ADGRB3: variants seen among roughly 807,000 people sequenced by gnomAD.
ADGRB3 encodes brain-specific angiogenesis inhibitor 3.
ADGRB3 carries 37 observed loss-of-function variants against 193.4 expected under a neutral mutation model. The ratio of observed to expected loss-of-function variants is 0.19; its 90% CI spans 0.15 to 0.25. The LOEUF (loss-of-function observed/expected upper bound fraction) is 0.25. ADGRB3 is among the 10% of genes least tolerant of loss of function. The pLI is 1.00. For missense variants in ADGRB3, 1,637 were observed against 1,852.9 expected, an observed-to-expected ratio of 0.88 and a Z score of 2.14; for synonymous variants, 690 against 644.2, an observed-to-expected ratio of 1.07 and a Z score of -1.08.
intron 19 of ADGRB3, among the ~76,000 whole-genome samples, chr6:69,238,048 G>C (rs1284794401): frequency 6.6e-6 from 1 of 152,042 alleles, no homozygotes; most frequent in Non-Finnish European, 1.5e-5. Context: ...TTTTGGAAAT[G>C]TGTGATAAAA....
chr6:68,654,020 GTTA>G (rs1479358686), intron 3 of ADGRB3, among the ~76,000 whole-genome samples: 2 of 151,916 alleles, frequency 1.3e-5, no homozygotes, highest in African/African-American at 4.8e-5. Flanking sequence ...CACGGAATCT[GTTA>G]TTAATATACA....
At chr6:69,257,972 T>C (rs532885837) in intron 20 of ADGRB3, among the ~76,000 whole-genome samples, 1 of 152,274 alleles carries the variant, frequency 6.6e-6, no homozygotes, top group East Asian at 1.9e-4. Context: ...TGTTGGAGTG[T>C]ATTTACGCAG....
At chr6:68,921,219 G>A (rs1220191945) in intron 3 of ADGRB3, among the ~76,000 whole-genome samples, 3 of 152,094 alleles carry the variant, frequency 2.0e-5, no homozygotes, top group Non-Finnish European at 4.4e-5. Context: ...AAAAGGAAGA[G>A]GGTCAGATGG....
intron 17 of ADGRB3, among the ~76,000 whole-genome samples, chr6:69,214,545 C>G (rs1765735037): frequency 6.6e-6 from 1 of 152,052 alleles, no homozygotes; most frequent in South Asian, 2.1e-4. Context: ...AAAACAACAA[C>G]CAGACTGGTG....
At chr6:69,227,014 T>C (rs1246480850) in intron 17 of ADGRB3, among the ~76,000 whole-genome samples, 1 of 152,190 alleles carries the variant, frequency 6.6e-6, no homozygotes, top group African/African-American at 2.4e-5. Flanking sequence ...CTCCGTCTCT[T>C]GATGGGAAGT....
At chr6:69,034,067 G>T (rs907633628) in intron 13 of ADGRB3, among the ~76,000 whole-genome samples, 2 of 151,946 alleles carry the variant, frequency 1.3e-5, no homozygotes, top group Non-Finnish European at 2.9e-5. Context: ...ATACATAATT[G>T]AGACTAAGAT....
At chr6:68,809,914 T>C (rs913429819) in intron 3 of ADGRB3, among the ~76,000 whole-genome samples, 1 of 152,194 alleles carries the variant, frequency 6.6e-6, no homozygotes, top group Admixed American at 6.5e-5. Flanking sequence ...AAATACATAT[T>C]TTAGCATACA....
chr6:69,068,348 A>T (rs1771970367), intron 16 of ADGRB3, among the ~76,000 whole-genome samples: 1 of 152,220 alleles, frequency 6.6e-6, no homozygotes, highest in African/African-American at 2.4e-5. Flanking sequence ...AAAGAAAAAG[A>T]CATAGGCTAT....
intron 3 of ADGRB3, among the ~76,000 whole-genome samples, chr6:68,692,852 TATAAG>T (rs199907062): frequency 0.015 from 2,270 of 151,394 alleles, 38 homozygotes; most frequent in Admixed American, 0.021. Context: ...TATAAACAGA[TATAAG>T]ATACATAGCT....
At chr6:68,985,315 A>T (rs1428852451) in intron 10 of ADGRB3, among the ~76,000 whole-genome samples, 1 of 152,166 alleles carries the variant, frequency 6.6e-6, no homozygotes, top group African/African-American at 2.4e-5. Flanking sequence ...GCTCTTTGTG[A>T]TTCACTGCAC....
At chr6:68,876,018 T>C (rs1432673075) in intron 3 of ADGRB3, among the ~76,000 whole-genome samples, 2 of 152,126 alleles carry the variant, frequency 1.3e-5, no homozygotes, top group East Asian at 3.9e-4. Context: ...GGAATATAAA[T>C]ATTAATTTTT....
intron 15 of ADGRB3, among the ~76,000 whole-genome samples, chr6:69,060,610 G>T (rs1056871270): frequency 6.6e-6 from 1 of 151,850 alleles, no homozygotes; most frequent in Non-Finnish European, 1.5e-5. Context: ...TAATCATTGG[G>T]TTTTATTAAA....
At chr6:69,050,911 T>A (rs528435026) in intron 15 of ADGRB3, among the ~76,000 whole-genome samples, 1 of 152,282 alleles carries the variant, frequency 6.6e-6, no homozygotes, top group Admixed American at 6.5e-5. Flanking sequence ...TAGATTAGTT[T>A]CCCTCCTAGA....
chr6:69,098,317 A>G (rs1043787514), intron 17 of ADGRB3, among the ~76,000 whole-genome samples: 9 of 152,212 alleles, frequency 5.9e-5, no homozygotes, highest in African/African-American at 2.2e-4. Flanking sequence ...AAACAGAAAA[A>G]TATTTTTTGA....
At chr6:68,796,451 G>T (rs914847600) in intron 3 of ADGRB3, among the ~76,000 whole-genome samples, 4 of 152,058 alleles carry the variant, frequency 2.6e-5, no homozygotes, top group African/African-American at 4.8e-5. Context: ...ATTCTTTTGA[G>T]ATATTCACAT....
chr6:69,304,920 A>G (rs1768032104), intron 20 of ADGRB3, among the ~76,000 whole-genome samples: 1 of 151,430 alleles, frequency 6.6e-6, no homozygotes, highest in African/African-American at 2.4e-5. Context: ...TGAATCTGTA[A>G]TTTTCAAACA....
chr6:68,712,622 A>G (rs540424028), intron 3 of ADGRB3, among the ~76,000 whole-genome samples: 67 of 152,140 alleles, frequency 4.4e-4, no homozygotes, highest in African/African-American at 1.5e-3. Flanking sequence ...AATGGGAGAC[A>G]TAGGAGAGAG....
At position 69,097,714 on chromosome 6, in the gene ADGRB3, G is replaced by GTA. The variant is rs961584959; in HGVS notation, c.2480+21682_2480+21683dup. On this transcript the variant is annotated intron_variant, in intron 17 of 31. Transcript: ENST00000370598. ...TGTATATATGTGTGTGTGTGTGTGT[G>GTA]TATATATGGCTATATGGCTGCTGCA... is the stretch of plus-strand genomic sequence containing the variant. Among the ~76,000 whole-genome samples, 7 of 151,732 alleles carry GTA rather than the reference G, an allele frequency of 4.6e-5. 1 individual carries two copies. Among genetic ancestry groups the GTA allele is most frequent in the African/African-American group, 1.5e-4 (6 of 41,342 alleles).
At position 69,348,457 on chromosome 6, in the gene ADGRB3, G is replaced by A. The variant is rs1769153376; in HGVS notation, c.3460-5776G>A. On this transcript the variant is annotated intron_variant, in intron 26 of 31. Transcript: ENST00000370598. ...AGATCAGGAGTTCAAGACCAGCCTG[G>A]CCAACATGGTGAAACCCTGTCTTTA... Among the ~76,000 whole-genome samples the A allele has an allele frequency of 2.8e-5, 4 of 143,308 alleles. No homozygotes were observed. In the South Asian group the frequency reaches 6.5e-4, roughly 23 times the overall value. 94.0% of individuals were successfully genotyped at this position (143,308 alleles called of 152,430 possible).
Sources: gnomAD v4.1 joint callset for allele counts (sites outside exome capture counted in the v4.1 genomes callset) on GRCh38, gnomAD v4.1.1 for gene constraint, MANE v1.5 for transcripts, NCBI Gene and HGNC (gene_info 2026-07-23, HGNC 2026-07-21) for gene names.